Variants in GALNT14 observed in about 807,000 individuals in gnomAD.
GALNT14 encodes polypeptide N-acetylgalactosaminyltransferase 14, also known as UDP-GalNAc:polypeptide N-acetylgalactosaminyltransferase 14.
A neutral mutation model predicts 77.5 loss-of-function variants in GALNT14; 60 were observed. The observed-to-expected ratio is 0.77, with a 90% CI of 0.63 to 0.96. The LOEUF is 0.96. GALNT14 is among the 40% of genes least tolerant of loss of function. GALNT14 has a pLI of 0.00. For synonymous variants in GALNT14, 280 were observed against 281.7 expected, an observed-to-expected ratio of 0.99 and a Z score of 0.06; for missense variants, 710 against 731.0, an observed-to-expected ratio of 0.97 and a Z score of 0.33.
intron 1 of GALNT14, among the ~76,000 whole-genome samples, chr2:31,023,309 C>T (rs1671841356): frequency 6.6e-6 from 1 of 152,098 alleles, no homozygotes; most frequent in South Asian, 2.1e-4. Context: ...CATGGATGGC[C>T]TTCATCACCC....
chr2:30,997,121 G>A (rs1190338097), intron 1 of GALNT14, among the ~76,000 whole-genome samples: 1 of 152,170 alleles, frequency 6.6e-6, no homozygotes, highest in Admixed American at 6.5e-5. Flanking sequence ...GTCATCGGCT[G>A]TTAAGTGATG....
intron 1 of GALNT14, among the ~76,000 whole-genome samples, chr2:31,026,758 G>A (rs933341621): frequency 3.3e-5 from 5 of 152,124 alleles, no homozygotes; most frequent in African/African-American, 7.2e-5. Context: ...CCAGTCTGAC[G>A]TTCTCCCATG....
chr2:30,964,180 C>T (rs1667857547), intron 3 of GALNT14, among the ~76,000 whole-genome samples: 1 of 152,200 alleles, frequency 6.6e-6, no homozygotes, highest in African/African-American at 2.4e-5. Flanking sequence ...CAGGTGCTAA[C>T]GCTGTTCTCA....
intron 1 of GALNT14, among the ~76,000 whole-genome samples, chr2:31,109,894 A>T (rs1400822315): frequency 6.6e-6 from 1 of 152,172 alleles, no homozygotes; most frequent in Non-Finnish European, 1.5e-5. Context: ...TGGGAGAGAG[A>T]AAAAGGAATA....
intron 1 of GALNT14, among the ~76,000 whole-genome samples, chr2:31,039,050 G>A (rs1048372011): frequency 6.6e-5 from 10 of 152,078 alleles, no homozygotes; most frequent in African/African-American, 2.4e-4. Flanking sequence ...AGCCAATTCA[G>A]CCATCTTTCT....
intron 1 of GALNT14, among the ~76,000 whole-genome samples, chr2:31,037,716 T>G (rs949906809): frequency 1.3e-5 from 2 of 152,132 alleles, no homozygotes; most frequent in African/African-American, 4.8e-5. Flanking sequence ...TCTCCTGAAC[T>G]AATCAGTGTA....
intron 1 of GALNT14, among the ~76,000 whole-genome samples, chr2:31,005,101 T>C (rs1670589938): frequency 1.3e-5 from 2 of 152,114 alleles, no homozygotes; most frequent in African/African-American, 4.8e-5. Flanking sequence ...ACTAAGGGAA[T>C]ACAAGGAAAA....
chr2:30,960,859 T>C (rs963600538), intron 3 of GALNT14, among the ~76,000 whole-genome samples: 49 of 152,346 alleles, frequency 3.2e-4, no homozygotes, highest in African/African-American at 9.1e-4. Flanking sequence ...CTTCTCAGCC[T>C]CACCCCCACT....
intron 1 of GALNT14, among the ~76,000 whole-genome samples, chr2:31,077,316 C>A (rs1400747530): frequency 6.6e-6 from 1 of 152,210 alleles, no homozygotes; most frequent in African/African-American, 2.4e-5. Flanking sequence ...TTTTTACCTA[C>A]ATTCCTCAAG....
the GALNT14 span, among the ~76,000 whole-genome samples, chr2:30,894,833 G>T: frequency 2.8e-4 from 42 of 152,304 alleles, no homozygotes; most frequent in African/African-American, 1.0e-3. Flanking sequence ...CCCCCTCAGG[G>T]ATCCCAGGGA....
At chr2:30,888,831 C>A in the GALNT14 span, among the ~76,000 whole-genome samples, 3 of 152,286 alleles carry the variant, frequency 2.0e-5, no homozygotes, top group South Asian at 6.2e-4. Flanking sequence ...AATTCAGTCA[C>A]ATGATACCTG....
intron 1 of GALNT14, among the ~76,000 whole-genome samples, chr2:31,114,982 C>T (rs1678034136): frequency 6.6e-6 from 1 of 152,186 alleles, no homozygotes; most frequent in Admixed American, 6.5e-5. Context: ...CACAGTGGCT[C>T]ATGCCTGTAA....
intron 1 of GALNT14, among the ~76,000 whole-genome samples, chr2:31,091,989 G>A (rs1222752246): frequency 6.6e-6 from 1 of 152,154 alleles, no homozygotes; most frequent in Non-Finnish European, 1.5e-5. Context: ...AACTTCATGA[G>A]TCTTCCACCC....
chr2:30,931,474 C>T (rs1665721411), intron 10 of GALNT14, among the ~76,000 whole-genome samples: 1 of 152,132 alleles, frequency 6.6e-6, no homozygotes, highest in South Asian at 2.1e-4. Context: ...AGGGAACAGG[C>T]AAGTGGGCAC....
At chr2:31,061,814 C>G (rs1357403408) in intron 1 of GALNT14, among the ~76,000 whole-genome samples, 2 of 152,230 alleles carry the variant, frequency 1.3e-5, no homozygotes, top group African/African-American at 2.4e-5. Flanking sequence ...AGTTCCTTGC[C>G]CTTTTCAGAA....
chr2:30,932,441 T>C lies in GALNT14; in HGVS notation c.932-247A>G, dbSNP rs546932894. ...AACCAACACGCTGGCCTCTGGAGCATATTCAGGGGCCAGCATGGCGGGGCA... is the reference window on the plus strand; with the variant it reads ...AACCAACACGCTGGCCTCTGGAGCACATTCAGGGGCCAGCATGGCGGGGCA... On this transcript the variant is annotated intron_variant, in intron 9 of 14. Transcript: ENST00000349752. 3.9e-5 allele frequency among the ~76,000 whole-genome samples: 6 copies of C among 152,304 alleles called. No individual in the cohort carries two copies. The South Asian group carries it at 1.2e-3, about 32-fold the overall frequency.
chr2:31,078,822 G>C, intron 1 of GALNT14: 2 of 891,352 alleles, frequency 2.2e-6, no homozygotes, highest in Non-Finnish European at 3.1e-6. Flanking sequence ...TGAAGGCAAG[G>C]GGCGAGATAT....
intron 2 of GALNT14, among the ~76,000 whole-genome samples, chr2:30,991,880 C>T (rs995363704): frequency 6.6e-6 from 1 of 152,198 alleles, no homozygotes; most frequent in Non-Finnish European, 1.5e-5. Flanking sequence ...AAAATGCCTG[C>T]TCTACTGCTC....
intron 1 of GALNT14, among the ~76,000 whole-genome samples, chr2:31,047,180 T>C (rs1473328269): frequency 6.6e-6 from 1 of 152,078 alleles, no homozygotes; most frequent in African/African-American, 2.4e-5. Flanking sequence ...CAGCAGGTGG[T>C]TGAGAACAGG....
Sources: gnomAD v4.1 joint callset for allele counts (sites outside exome capture counted in the v4.1 genomes callset) on GRCh38, gnomAD v4.1.1 for gene constraint, MANE v1.5 for transcripts, NCBI Gene and HGNC (gene_info 2026-07-23, HGNC 2026-07-21) for gene names.